TMEM132B: variants seen among roughly 807,000 people sequenced by gnomAD.
The protein encoded by TMEM132B is transmembrane protein 132B.
In TMEM132B, 18 loss-of-function variants were observed where a neutral mutation model predicts 90.8. The ratio of observed to expected loss-of-function variants is 0.20; its 90% CI spans 0.14 to 0.29. The LOEUF is 0.29. Ranked by LOEUF, TMEM132B falls within the 10% of genes least tolerant of loss-of-function variation. TMEM132B has a pLI of 1.00. For synonymous variants in TMEM132B, 504 were observed against 523.3 expected, an observed-to-expected ratio of 0.96 and a Z score of 0.50; for missense variants, 1,096 against 1,326.8, an observed-to-expected ratio of 0.83 and a Z score of 2.70.
chr12:125,364,175 G>T (rs929364827), intron 2 of TMEM132B, among the ~76,000 whole-genome samples: 4 of 152,080 alleles, frequency 2.6e-5, no homozygotes, highest in African/African-American at 9.7e-5. Flanking sequence ...AAGGTTGAAG[G>T]GTGTCTAGGG....
chr12:125,513,210 CTTCA>C (rs5801605), intron 3 of TMEM132B, among the ~76,000 whole-genome samples: 2 of 151,686 alleles, frequency 1.3e-5, no homozygotes, highest in African/African-American at 4.9e-5. Context: ...GTTTAACACT[CTTCA>C]TTCATTCATT....
chr12:125,220,110 G>C (rs1873525346), intron 1 of TMEM132B, among the ~76,000 whole-genome samples: 1 of 152,218 alleles, frequency 6.6e-6, no homozygotes, highest in African/African-American at 2.4e-5. Flanking sequence ...TTCTTCTAGA[G>C]TTTGTTTATA....
intron 1 of TMEM132B, chr12:125,326,664 G>A: frequency 6.2e-7 from 1 of 1,607,668 alleles, no homozygotes. Flanking sequence ...ACTGCTGTCT[G>A]CACCGGGGGA....
At chr12:125,511,851 C>CAAAAAA in intron 3 of TMEM132B, among the ~76,000 whole-genome samples, 1 of 111,152 alleles carries the variant, frequency 9.0e-6, no homozygotes, top group African/African-American at 3.4e-5. Context: ...GACTCTATCT[C>CAAAAAA]AAAAAAAAAA....
chr12:125,584,124 G>C lies in TMEM132B; in HGVS notation c.1437+130G>C, dbSNP rs771335081. ...GGGCTGGAGGCCAGAATGACCTCAC[G>C]AAGGAGGAAACAGCTGACCGCAGAG... On this transcript the variant is annotated intron_variant, in intron 5 of 8. Transcript: ENST00000682704. The C allele has an allele frequency of 2.9e-6, 4 of 1,381,644 alleles. No individual in the cohort carries two copies. The African/African-American group carries it at 4.3e-5, about 15-fold the overall frequency. The allele number at this position is 1,381,644 out of a possible 1,614,324, so 85.6% of individuals were successfully genotyped here. A position where few individuals can be genotyped will look rare whatever the true frequency, so the allele number is the denominator to read the frequency against.
chr12:125,513,375 C>A (rs112284066), intron 3 of TMEM132B, among the ~76,000 whole-genome samples: 9 of 151,992 alleles, frequency 5.9e-5, no homozygotes, highest in Non-Finnish European at 1.0e-4. Context: ...ACAGCGAGAG[C>A]GTGCGTGTGC....
intron 1 of TMEM132B, among the ~76,000 whole-genome samples, chr12:125,308,127 CATAAGT>C (rs2136173233): frequency 1.1e-5 from 1 of 92,838 alleles, no homozygotes; most frequent in Non-Finnish European, 2.4e-5. Flanking sequence ...TATATATACA[CATAAGT>C]ATATACATAT....
At chr12:125,602,224 G>T (rs1885588708) in intron 5 of TMEM132B, among the ~76,000 whole-genome samples, 1 of 152,138 alleles carries the variant, frequency 6.6e-6, no homozygotes, top group South Asian at 2.1e-4. Flanking sequence ...ATAAAATACT[G>T]GCAAACCGAA....
chr12:125,505,583 C>T (rs1882825655), intron 3 of TMEM132B, among the ~76,000 whole-genome samples: 1 of 151,914 alleles, frequency 6.6e-6, no homozygotes, highest in African/African-American at 2.4e-5. Flanking sequence ...CCTGTAATCC[C>T]AGCTACTCGG....
At chr12:125,646,781 C>A (rs868067877) in intron 6 of TMEM132B, among the ~76,000 whole-genome samples, 5 of 152,158 alleles carry the variant, frequency 3.3e-5, no homozygotes, top group Admixed American at 6.5e-5. Flanking sequence ...ATATACAGAA[C>A]GTCCAGAATA....
chr12:125,219,649 T>C (rs1873516142), intron 1 of TMEM132B, among the ~76,000 whole-genome samples: 1 of 152,158 alleles, frequency 6.6e-6, no homozygotes, highest in Non-Finnish European at 1.5e-5. Context: ...TTCCATCAGG[T>C]CCACTTTGGT....
At chr12:125,313,429 TCTC>T (rs1390910001) in intron 1 of TMEM132B, among the ~76,000 whole-genome samples, 5 of 151,422 alleles carry the variant, frequency 3.3e-5, no homozygotes, top group Admixed American at 6.6e-5. Flanking sequence ...TCCTCTCTCC[TCTC>T]CTCTTCTTCC....
intron 5 of TMEM132B, among the ~76,000 whole-genome samples, chr12:125,607,318 T>A (rs11615230): frequency 0.1 from 15,234 of 152,002 alleles, 997 homozygotes; most frequent in South Asian, 0.21. Flanking sequence ...CGAAAAGAGG[T>A]TTAGAGACCT....
intron 1 of TMEM132B, among the ~76,000 whole-genome samples, chr12:125,221,092 GCA>G (rs1383781140): frequency 6.6e-6 from 1 of 152,236 alleles, no homozygotes; most frequent in East Asian, 1.9e-4. Context: ...GTAGCGCTCA[GCA>G]CTCATTTCCT....
intron 3 of TMEM132B, among the ~76,000 whole-genome samples, chr12:125,441,741 C>T (rs908239556): frequency 3.9e-5 from 6 of 152,204 alleles, no homozygotes; most frequent in African/African-American, 7.2e-5. Flanking sequence ...AGTGGTGGCT[C>T]TTCCATCTCC....
Position 125,337,617 on chromosome 12 carries a change from A to T in TMEM132B, c.68-11835A>T, listed in dbSNP as rs1048719167. On this transcript the variant is annotated intron_variant, in intron 1 of 8. Transcript: ENST00000682704. The stretch of plus-strand genomic sequence containing the variant: ...AATACGGTCGACGAGGAAGTTTTTG[A>T]TTTTCCTCTCCTTGACAGGTGGCCA... Among the ~76,000 whole-genome samples the T allele has an allele frequency of 3.3e-5, 5 of 152,096 alleles. 1 individual carries two copies. Among genetic ancestry groups the T allele is most frequent in the South Asian group, 4.1e-4 (2 of 4,824 alleles).
rs1203726526 is a variant in TMEM132B at position 125,519,442 on chromosome 12, A to G, written c.1110A>G (p.Val370=). The stretch of plus-strand genomic sequence containing the variant: ...TTAATATGTGTTTGTTTTCCAGGGT[A>G]AATGGATCCTTCTATGAGATCTTGC... The part of the protein sequence containing the change: ...MGHRPDTQSR[V]NGSFYEILQV... The change falls in exon 4 of 9, where the codon GTA becomes GTG. Residue 370 remains valine (V), a synonymous_variant. Transcript: ENST00000682704. 4 of 1,605,512 alleles carry G rather than the reference A, an allele frequency of 2.5e-6. No homozygotes were observed. The highest frequency in any genetic ancestry group is 3.4e-6 in the Non-Finnish European group (4 of 1,174,768).
At chr12:125,423,412 G>A (rs1027301461) in intron 3 of TMEM132B, among the ~76,000 whole-genome samples, 5 of 152,126 alleles carry the variant, frequency 3.3e-5, no homozygotes, top group African/African-American at 1.2e-4. Context: ...AGAGAGGAGG[G>A]AGGTTTGTTT....
intron 4 of TMEM132B, among the ~76,000 whole-genome samples, chr12:125,546,633 C>G (rs997642799): frequency 3.3e-5 from 5 of 152,098 alleles, no homozygotes; most frequent in African/African-American, 1.2e-4. Context: ...TAATTTGTTC[C>G]TCTTTATGGA....
Sources: gnomAD v4.1 joint callset for allele counts (sites outside exome capture counted in the v4.1 genomes callset) on GRCh38, gnomAD v4.1.1 for gene constraint, MANE v1.5 for transcripts, NCBI Gene and HGNC (gene_info 2026-07-23, HGNC 2026-07-21) for gene names.